The following SLC26A5 variants were observed in gnomAD, a reference collection of about 807,000 sequenced individuals.
SLC26A5 encodes prestin.
A neutral mutation model predicts 81.0 loss-of-function variants in SLC26A5; 51 were observed. That is an observed-to-expected ratio of 0.63 (90% CI 0.50 to 0.80). The LOEUF is 0.80. Among genes scored for constraint, SLC26A5 ranks in the 30% least tolerant of loss-of-function variants. The pLI is 0.00. For missense variants in SLC26A5, 771 were observed against 905.8 expected (o/e 0.85, Z 1.91); for synonymous variants, 325 against 332.8 (o/e 0.98, Z 0.25).
chr7:103,364,981 A>ATATATATATT (rs950613120), intron 19 of SLC26A5, among the ~76,000 whole-genome samples: 1,991 of 140,602 alleles, frequency 0.014, 47 homozygotes, highest in African/African-American at 0.05. Context: ...ATATATATAT[A>ATATATATATT]TATTTAGAGA....
At chr7:103,379,521 C>T (rs1821622219) in intron 15 of SLC26A5, among the ~76,000 whole-genome samples, 186 bp from the exon 16 acceptor site, 1 of 150,686 alleles carries the variant, frequency 6.6e-6, no homozygotes, top group Non-Finnish European at 1.5e-5. Flanking sequence ...AAAAAAAAGT[C>T]ACTCTTATCT....
chr7:103,354,871 C>G (rs779920178), intron 19 of SLC26A5: 1 of 1,608,844 alleles, frequency 6.2e-7, no homozygotes, highest in South Asian at 1.1e-5. Context: ...CACCTAGGGT[C>G]AGAGCACTTA....
In SLC26A5 at chr7:103,378,490, C is replaced by G; in HGVS notation, c.1741G>C (p.Glu581Gln). The G allele has an allele frequency of 6.2e-7, 1 of 1,614,162 alleles. No individual in the cohort carries two copies. The highest frequency in any genetic ancestry group is 8.5e-7 in the Non-Finnish European group (1 of 1,180,010). Reference protein sequence around the residue: ...RRKAMRKYAKEVGNANMANAT... With the variant: ...RRKAMRKYAKQVGNANMANAT... ...TTGGCCATATTTGCATTTCCGACTT[C>G]CTTAGCGTACTTCCGCATGGCCTTT... Residue 581 changes from glutamate (E) to glutamine (Q), a missense_variant, in exon 17 of 20, where the codon GAA becomes CAA. By Grantham distance (29) the Glu-to-Gln change is conservative (BLOSUM62 2). Transcript: ENST00000306312.
At position 103,382,366 on chromosome 7, in the gene SLC26A5, T is replaced by C. The variant is rs564984013; in HGVS notation, c.1515-1817A>G. Among the ~76,000 whole-genome samples the C allele has an allele frequency of 6.1e-3, 914 of 149,652 alleles. 14 individuals are homozygous for C. The highest frequency in any genetic ancestry group is 0.021 in the African/African-American group (841 of 40,386). Reference sequence around the variant, plus strand: ...ATTTCCTTTTTTTTTTTTTTTTTTTTTGAGGCGGAGTCTTATCCTGTTGCC... The same window carrying C: ...ATTTCCTTTTTTTTTTTTTTTTTTTCTGAGGCGGAGTCTTATCCTGTTGCC... On this transcript the variant is annotated intron_variant, in intron 14 of 19. Coordinates refer to ENST00000306312, the MANE Select transcript of SLC26A5 (RefSeq NM_198999.3).
At chr7:103,416,473 G>C (rs17142677) in intron 4 of SLC26A5, among the ~76,000 whole-genome samples, 15,527 of 152,290 alleles carry the variant, frequency 0.1, 897 homozygotes, top group East Asian at 0.19. Context: ...TAACCTTCTT[G>C]ACATCTCTTG....
chr7:103,361,045 C>G (rs947586322), intron 19 of SLC26A5, among the ~76,000 whole-genome samples: 1 of 150,052 alleles, frequency 6.7e-6, no homozygotes, highest in Non-Finnish European at 1.5e-5. Flanking sequence ...ACCCAGGAGG[C>G]GGAGATTGTA....
chr7:103,380,667 CT>C, intron 14 of SLC26A5, 118 bp from the exon 15 acceptor site: 1 of 867,392 alleles, frequency 1.2e-6, no homozygotes, highest in Non-Finnish European at 1.9e-6. Context: ...ATGCTTGATC[CT>C]TACATGGTGC....
chr7:103,376,987 T>A lies in SLC26A5; in HGVS notation c.1987-125A>T, dbSNP rs888394569. On this transcript the variant is annotated intron_variant, in intron 18 of 19. Transcript: ENST00000306312. ...ATTCACTTGAGCTACTTTGCTTCAATAATGATGTATTTTTGAGCTAATCAG... is the reference window on the plus strand; with the variant it reads ...ATTCACTTGAGCTACTTTGCTTCAAAAATGATGTATTTTTGAGCTAATCAG... The A allele has an allele frequency of 1.2e-5, 8 of 667,330 alleles. No homozygotes were observed. In the Middle Eastern group the frequency reaches 1.2e-3, roughly 98 times the overall value. 41.3% of individuals were successfully genotyped at this position (667,330 alleles called of 1,614,324 possible).
intron 2 of SLC26A5, among the ~76,000 whole-genome samples, chr7:103,431,882 A>G (rs763044995): frequency 3.3e-5 from 5 of 149,434 alleles, no homozygotes; most frequent in Admixed American, 6.7e-5. Flanking sequence ...TTTTTTACTT[A>G]TCAAGTTTAG....
At chr7:103,369,758 T>G (rs1297980960), downstream of SLC26A5, among the ~76,000 whole-genome samples, 1 of 152,228 alleles carries the variant, frequency 6.6e-6, no homozygotes, top group Non-Finnish European at 1.5e-5. Flanking sequence ...AGGGTGCTGA[T>G]AAGTTAGAAT....
downstream of SLC26A5, among the ~76,000 whole-genome samples, chr7:103,371,726 T>C (rs555983640): frequency 2.8e-4 from 40 of 141,654 alleles, no homozygotes; most frequent in Admixed American, 1.7e-3. Flanking sequence ...GATGGAGTCT[T>C]GCTCTGACAC....
At chr7:103,411,761 C>T (rs1043834209) in intron 5 of SLC26A5, among the ~76,000 whole-genome samples, 175 bp from the exon 6 acceptor site, 8 of 152,174 alleles carry the variant, frequency 5.3e-5, no homozygotes, top group South Asian at 4.1e-4. Flanking sequence ...TGCGTGTGTG[C>T]GCATGCAGAC....
chr7:103,444,323 G>A (rs6465920), intron 1 of SLC26A5, among the ~76,000 whole-genome samples: 72,106 of 152,034 alleles, frequency 0.47, 20,201 homozygotes, highest in African/African-American at 0.77. Context: ...ATACGGACGT[G>A]CTTCCTATTT....
At chr7:103,378,608 C>G in intron 16 of SLC26A5, 55 bp from the exon 17 acceptor site, 1 of 1,428,234 alleles carries the variant, frequency 7.0e-7, no homozygotes. Context: ...GGGACCCACC[C>G]CAATGCCACT....
chr7:103,369,965 T>C (rs1820937568), downstream of SLC26A5, among the ~76,000 whole-genome samples: 2 of 152,096 alleles, frequency 1.3e-5, no homozygotes, highest in South Asian at 4.1e-4. Context: ...CAGGTGGAGT[T>C]TTAAGATGCT....
Position 103,411,405 on chromosome 7 carries a change from AT to A in SLC26A5, c.570+14del. 6.2e-7 allele frequency: 1 copy of A among 1,613,902 alleles called. No individual in the cohort carries two copies. The highest frequency in any genetic ancestry group is 8.5e-7 in the Non-Finnish European group (1 of 1,179,864). On this transcript the variant is annotated intron_variant, in intron 6 of 19. Coordinates refer to ENST00000306312, the MANE Select transcript of SLC26A5 (RefSeq NM_198999.3). ...AACAAACGAGACAGTCCATTTCCCCATCTTTGAGCCTTACCTGAATGATTCC... is the reference window on the plus strand; with the variant it reads ...AACAAACGAGACAGTCCATTTCCCCACTTTGAGCCTTACCTGAATGATTCC...
rs560660610 is a variant in SLC26A5 at position 103,389,149 on chromosome 7, T to C, written c.1408-35A>G. 6.7e-6 allele frequency: 10 copies of C among 1,490,912 alleles called. No individual in the cohort carries two copies. The East Asian group carries it at 6.8e-5, about 10-fold the overall frequency. 92.4% of individuals were successfully genotyped at this position (1,490,912 alleles called of 1,614,324 possible). A position where few individuals can be genotyped will look rare whatever the true frequency, so the allele number is the denominator to read the frequency against. On this transcript the variant is annotated intron_variant, in intron 13 of 19. Coordinates refer to ENST00000306312, the MANE Select transcript of SLC26A5 (RefSeq NM_198999.3). The stretch of plus-strand genomic sequence containing the variant: ...AGACAGAAAACTTGATGGAGAACCA[T>C]GTTAAACATCCCACAAGAGTTAAAC...
At chr7:103,358,665 T>G (rs980362000) in intron 19 of SLC26A5, among the ~76,000 whole-genome samples, 7 of 152,092 alleles carry the variant, frequency 4.6e-5, no homozygotes, top group African/African-American at 1.7e-4. Flanking sequence ...TCTTTCATTT[T>G]TGTGTGTGTG....
chr7:103,372,102 C>T (rs1422189766), downstream of SLC26A5, among the ~76,000 whole-genome samples: 1 of 152,238 alleles, frequency 6.6e-6, no homozygotes, highest in Non-Finnish European at 1.5e-5. Flanking sequence ...TCTGCAACTA[C>T]ATGCTCTTTC....
Sources: gnomAD v4.1 joint callset for allele counts (sites outside exome capture counted in the v4.1 genomes callset) on GRCh38, gnomAD v4.1.1 for gene constraint, MANE v1.5 for transcripts, NCBI Gene and HGNC (gene_info 2026-07-23, HGNC 2026-07-21) for gene names.